Variants in DNAJC11 observed in about 807,000 individuals in gnomAD.
The protein encoded by DNAJC11 is dnaJ homolog subfamily C member 11.
DNAJC11 carries 15 observed loss-of-function variants against 78.6 expected under a neutral mutation model. The ratio of observed to expected loss-of-function variants is 0.19; its 90% CI spans 0.13 to 0.29. The LOEUF (loss-of-function observed/expected upper bound fraction) is 0.29. DNAJC11 is among the 10% of genes least tolerant of loss of function. The pLI is 1.00. For missense variants in DNAJC11, 547 were observed against 709.6 expected (o/e 0.77, Z 2.60); for synonymous variants, 292 against 272.1 (o/e 1.07, Z -0.72).
Position 6,653,762 on chromosome 1 carries a change from A to C in DNAJC11, c.507+149T>G. On this transcript the variant is annotated intron_variant, in intron 5 of 15. Transcript: ENST00000377577. The surrounding 1 kb of genome is among the most constrained non-coding windows in gnomAD (Gnocchi z 4.5). Reference sequence around the variant, plus strand: ...AGCGGTAACACACGGCTGGGAATGAAGCGCTTTCTTTTTTAAGTGGCTAAT... The same window carrying C: ...AGCGGTAACACACGGCTGGGAATGACGCGCTTTCTTTTTTAAGTGGCTAAT... The C allele has an allele frequency of 3.2e-5, 32 of 989,690 alleles. No homozygotes were observed. The highest frequency in any genetic ancestry group is 6.1e-5 in the East Asian group (2 of 32,812). The allele number at this position is 989,690 out of a possible 1,614,324, so 61.3% of individuals were successfully genotyped here.
chr1:6,682,368 G>T (rs947170919), intron 1 of DNAJC11, among the ~76,000 whole-genome samples: 2 of 152,038 alleles, frequency 1.3e-5, no homozygotes, highest in Non-Finnish European at 2.9e-5. Context: ...GTATTTGTGC[G>T]AGTTTATCAG....
intron 4 of DNAJC11, among the ~76,000 whole-genome samples, chr1:6,657,418 C>A (rs994918183): frequency 6.6e-6 from 1 of 152,156 alleles, no homozygotes; most frequent in African/African-American, 2.4e-5. Context: ...GACCAGCCAG[C>A]CTTCTGAGGA....
At chr1:6,658,026 C>T (rs1258389864) in intron 4 of DNAJC11, among the ~76,000 whole-genome samples, 1 of 152,148 alleles carries the variant, frequency 6.6e-6, no homozygotes, top group Non-Finnish European at 1.5e-5. Context: ...GTCATTTCAA[C>T]AGTGATCACA....
chr1:6,635,905 A>G (rs1462703158), intron 15 of DNAJC11, among the ~76,000 whole-genome samples: 3 of 152,066 alleles, frequency 2.0e-5, no homozygotes, highest in Admixed American at 6.6e-5. Flanking sequence ...CAACGCGCTC[A>G]CTCTAATTCT....
intron 7 of DNAJC11, chr1:6,651,173 G>C (rs1318476373): frequency 1.8e-6 from 1 of 554,074 alleles, no homozygotes; most frequent in Non-Finnish European, 3.7e-6. Context: ...GAGGCAGTCT[G>C]TCATTCTCTG....
At chr1:6,639,846 T>G in intron 11 of DNAJC11, 56 bp downstream of exon 11, 1 of 1,560,358 alleles carries the variant, frequency 6.4e-7, no homozygotes, top group Admixed American at 2.0e-5. Context: ...ATTTTAAGGG[T>G]GAGGAAACTG....
At chr1:6,659,916 C>T (rs7514505) in intron 4 of DNAJC11, among the ~76,000 whole-genome samples, 54,802 of 150,854 alleles carry the variant, frequency 0.36, 10,298 homozygotes, top group African/African-American at 0.43. Flanking sequence ...ATTAGCTGGG[C>T]GTGGTGGCAG....
intron 10 of DNAJC11, among the ~76,000 whole-genome samples, chr1:6,641,406 T>TACACACACACAC (rs70981395): frequency 7.1e-6 from 1 of 140,096 alleles, no homozygotes; most frequent in African/African-American, 2.7e-5. Flanking sequence ...TATATATATA[T>TACACACACACAC]ACACACACAC....
At chr1:6,698,136 T>C (rs1319129751) in intron 1 of DNAJC11, among the ~76,000 whole-genome samples, 1 of 152,178 alleles carries the variant, frequency 6.6e-6, no homozygotes, top group Admixed American at 6.5e-5. Context: ...TCTAGAATTG[T>C]TTCCATTTGA....
Position 6,645,811 on chromosome 1 carries a change from C to T in DNAJC11, c.872G>A (p.Ser291Asn). The T allele has an allele frequency of 6.2e-7, 1 of 1,614,054 alleles. No individual in the cohort carries two copies. The highest frequency in any genetic ancestry group is 1.7e-5 in the Admixed American group (1 of 60,030). Reference sequence around the variant, plus strand: ...CACCTGCAGGGCCACAGTGAAGTGGCTGGTTTTAGTGTCTCGGACGATGCT... The same window carrying T: ...CACCTGCAGGGCCACAGTGAAGTGGTTGGTTTTAGTGTCTCGGACGATGCT... ...NTSIVRDTKT[S>N]HFTVALQLGI... The change falls in exon 8 of 16, where the codon AGC becomes AAC. Residue 291 changes from serine to asparagine, a missense_variant. Coordinates refer to ENST00000377577, the MANE Select transcript of DNAJC11 (RefSeq NM_018198.4). The surrounding 1 kb of genome is among the most constrained non-coding windows in gnomAD (Gnocchi z 4.1).
chr1:6,658,775 C>G (rs1642167440), intron 4 of DNAJC11, among the ~76,000 whole-genome samples: 1 of 152,206 alleles, frequency 6.6e-6, no homozygotes. Context: ...CCGTAAACCT[C>G]AGCTGCTTCT....
chr1:6,643,719 T>C (rs1641920920), intron 10 of DNAJC11, among the ~76,000 whole-genome samples: 1 of 152,126 alleles, frequency 6.6e-6, no homozygotes, highest in Non-Finnish European at 1.5e-5. Context: ...GCCCGGGGGA[T>C]AGCTGCCAGG....
At position 6,644,614 on chromosome 1, in the gene DNAJC11, G is replaced by A. The variant is rs758851665; in HGVS notation, c.1041C>T (p.Ser347=). 6.2e-6 allele frequency: 10 copies of A among 1,614,028 alleles called. No homozygotes were observed. The African/African-American group carries it at 9.3e-5, about 15-fold the overall frequency. ...YGAERKISRH[S]VLGAAVSVGV... ...CAACGCTGACAGCTGCACCCAAAAC[G>A]CTGTGCCTGGAGATCTTCCTCTCAG... The change falls in exon 10 of 16, where the codon AGC becomes AGT. Residue 347 remains serine, a synonymous_variant. Transcript: ENST00000377577.
At chr1:6,662,422 G>T (rs940525212) in intron 4 of DNAJC11, among the ~76,000 whole-genome samples, 5 of 152,084 alleles carry the variant, frequency 3.3e-5, no homozygotes, top group African/African-American at 1.2e-4. Flanking sequence ...TCAAACTCCT[G>T]ACCTCAGATG....
At position 6,638,295 on chromosome 1, in the gene DNAJC11, A is replaced by G. The variant is rs768953446; in HGVS notation, c.1323T>C (p.Ala441=). The G allele has an allele frequency of 2.5e-6, 4 of 1,612,976 alleles. No individual in the cohort carries two copies. The Admixed American group carries it at 6.7e-5, about 27-fold the overall frequency. Residue 441 remains alanine (A), a splice_region_variant and synonymous_variant, in exon 12 of 16, where the codon GCT becomes GCC. Coordinates refer to ENST00000377577, the MANE Select transcript of DNAJC11 (RefSeq NM_018198.4). The part of the protein sequence containing the change: ...VLQKKQEAES[A]VRLMQESVRR... ...TTGGGAACGGTGGGGCAGCACTCAC[A>G]GCGGACTCCGCCTCTTGCTTCTTCT...
At chr1:6,647,765 A>C (rs1357390408) in intron 7 of DNAJC11, among the ~76,000 whole-genome samples, 1 of 152,144 alleles carries the variant, frequency 6.6e-6, no homozygotes, top group East Asian at 1.9e-4. Flanking sequence ...CAGTGAGCCA[A>C]GACTGCGCCA....
intron 12 of DNAJC11, chr1:6,638,042 G>A (rs1228473838): frequency 2.3e-6 from 1 of 433,134 alleles, no homozygotes; most frequent in East Asian, 3.7e-5. Context: ...CTCAGTAAAA[G>A]GCAGAACACT....
chr1:6,669,679 C>T (rs966151924), intron 3 of DNAJC11, among the ~76,000 whole-genome samples: 2 of 151,942 alleles, frequency 1.3e-5, no homozygotes, highest in East Asian at 1.9e-4. Flanking sequence ...AAGAGGCAAC[C>T]GCACTGCACG....
chr1:6,674,679 G>A (rs1478371948), intron 3 of DNAJC11, among the ~76,000 whole-genome samples: 1 of 151,834 alleles, frequency 6.6e-6, no homozygotes, highest in African/African-American at 2.4e-5. Flanking sequence ...AGTAAGCCAC[G>A]ATCGTGCCAC....
Sources: gnomAD v4.1 joint callset for allele counts (sites outside exome capture counted in the v4.1 genomes callset) on GRCh38, gnomAD v4.1.1 for gene constraint, Gnocchi (gnomAD v3.1) non-coding constraint, MANE v1.5 for transcripts, NCBI Gene and HGNC (gene_info 2026-07-23, HGNC 2026-07-21) for gene names.